SDK1: variants seen among roughly 807,000 people sequenced by gnomAD.
The protein encoded by SDK1 is protein sidekick-1.
Under a neutral mutation model 245.5 loss-of-function variants are expected in SDK1, and 157 were observed. That is an observed-to-expected ratio of 0.64 (90% CI 0.56 to 0.73). SDK1 has a LOEUF of 0.73. Ranked by LOEUF, SDK1 falls within the 30% of genes least tolerant of loss-of-function variation. SDK1 has a pLI of 0.00. For missense variants in SDK1, 3,583 were observed against 3,002.3 expected (o/e 1.19, Z -4.52); for synonymous variants, 1,647 against 1,278.5 (o/e 1.29, Z -6.15).
intron 4 of SDK1, among the ~76,000 whole-genome samples, chr7:3,783,468 C>A (rs1377634174): frequency 1.4e-5 from 2 of 147,522 alleles, no homozygotes; most frequent in Non-Finnish European, 2.9e-5. Flanking sequence ...ATGCTACAGA[C>A]CCCACCAAAA....
intron 5 of SDK1, among the ~76,000 whole-genome samples, chr7:3,903,095 C>A (rs1479892392): frequency 1.3e-5 from 2 of 151,856 alleles, no homozygotes; most frequent in Non-Finnish European, 2.9e-5. Flanking sequence ...TCTTTACTCT[C>A]ACTAGGATGA....
intron 44 of SDK1, among the ~76,000 whole-genome samples, chr7:4,248,790 C>G (rs775090175): frequency 1.3e-5 from 2 of 151,972 alleles, no homozygotes; most frequent in African/African-American, 4.8e-5. Flanking sequence ...CATACATATA[C>G]CTACATACCT....
intron 5 of SDK1, among the ~76,000 whole-genome samples, chr7:3,832,581 G>C (rs1383991643): frequency 1.3e-5 from 2 of 152,170 alleles, no homozygotes; most frequent in Non-Finnish European, 2.9e-5. Context: ...CAATGCTGAA[G>C]ACCATTAGCA....
chr7:4,231,138 C>T (rs541064339), intron 40 of SDK1, among the ~76,000 whole-genome samples: 2 of 152,282 alleles, frequency 1.3e-5, no homozygotes, highest in South Asian at 2.1e-4. Flanking sequence ...GCATAAACTA[C>T]ATACAGCCAG....
At chr7:3,981,882 A>G (rs983842597) in intron 13 of SDK1, among the ~76,000 whole-genome samples, 2 of 152,264 alleles carry the variant, frequency 1.3e-5, no homozygotes, top group Non-Finnish European at 2.9e-5. Flanking sequence ...GAAACTTGGT[A>G]AGTTATTCAG....
At chr7:3,581,861 C>T (rs1410132530) in intron 1 of SDK1, among the ~76,000 whole-genome samples, 1 of 152,206 alleles carries the variant, frequency 6.6e-6, no homozygotes, top group Admixed American at 6.5e-5. Context: ...ATGGGTGAAG[C>T]TGGAGGCCAT....
chr7:3,857,087 G>GA lies in SDK1; in HGVS notation c.847+35511dup, dbSNP rs924875449. On this transcript the variant is annotated intron_variant, in intron 5 of 44. Coordinates refer to ENST00000404826, the MANE Select transcript of SDK1 (RefSeq NM_152744.4). ...ATGAAAAAATCAACTCCTATTAACT[G>GA]AAAAAAATTACTCTTAGTCACCTGG... Among the ~76,000 whole-genome samples the GA allele has an allele frequency of 2.6e-5, 4 of 152,138 alleles. No homozygotes were observed. The East Asian group carries it at 7.7e-4, about 29-fold the overall frequency.
rs371063142 is a variant in SDK1 at position 4,010,936 on chromosome 7, G to T, written c.2132-30G>T. The stretch of plus-strand genomic sequence containing the variant: ...ATTATTCAGACATGATAAGCCTGTG[G>T]GCTTGAATTCGTTTTCTTCATTCTT... On this transcript the variant is annotated intron_variant, in intron 14 of 44. Transcript: ENST00000404826. 5.3e-4 allele frequency: 851 copies of T among 1,612,966 alleles called. 3 individuals are homozygous for T. In the Middle Eastern group the frequency reaches 0.012, roughly 22 times the overall value.
intron 1 of SDK1, among the ~76,000 whole-genome samples, chr7:3,428,655 A>G (rs6462071): frequency 0.79 from 119,948 of 152,158 alleles, 48,057 homozygotes; most frequent in African/African-American, 0.94. Flanking sequence ...AGCTTGGGCT[A>G]ACCATGTAAG....
At chr7:3,873,740 T>C (rs1300147930) in intron 5 of SDK1, among the ~76,000 whole-genome samples, 1 of 152,192 alleles carries the variant, frequency 6.6e-6, no homozygotes, top group Admixed American at 6.5e-5. Context: ...TCAAAAGCAT[T>C]TTTAATCTAA....
At chr7:3,889,716 G>A (rs924224993) in intron 5 of SDK1, among the ~76,000 whole-genome samples, 5 of 152,160 alleles carry the variant, frequency 3.3e-5, no homozygotes, top group African/African-American at 1.2e-4. Context: ...CATCGTGTTA[G>A]CCAGGATGGT....
At chr7:3,459,174 T>C (rs536917361) in intron 1 of SDK1, among the ~76,000 whole-genome samples, 2 of 152,352 alleles carry the variant, frequency 1.3e-5, no homozygotes, top group East Asian at 3.9e-4. Flanking sequence ...TTGCATTTTA[T>C]CTGAAATTGC....
intron 32 of SDK1, among the ~76,000 whole-genome samples, chr7:4,172,618 G>A (rs1020058625): frequency 6.6e-6 from 1 of 152,144 alleles, no homozygotes; most frequent in African/African-American, 2.4e-5. Context: ...AAGTTACTAC[G>A]CATTAGGTGG....
At chr7:3,771,851 A>G (rs1309307872) in intron 4 of SDK1, among the ~76,000 whole-genome samples, 1 of 152,096 alleles carries the variant, frequency 6.6e-6, no homozygotes, top group African/African-American at 2.4e-5. Flanking sequence ...CCCCCCATCC[A>G]TCTCCAGAAC....
intron 9 of SDK1, among the ~76,000 whole-genome samples, chr7:3,966,572 A>G (rs185447361): frequency 2.0e-5 from 3 of 152,248 alleles, no homozygotes; most frequent in African/African-American, 7.2e-5. Context: ...CCAGAAATGT[A>G]TCTTTATGGA....
chr7:3,410,995 CAAGG>C (rs1470477796), intron 1 of SDK1, among the ~76,000 whole-genome samples: 1 of 152,076 alleles, frequency 6.6e-6, no homozygotes, highest in African/African-American at 2.4e-5. Flanking sequence ...ACCTAACACA[CAAGG>C]AAGCTGTTTT....
intron 14 of SDK1, among the ~76,000 whole-genome samples, chr7:3,999,399 G>A (rs531349776): frequency 2.8e-4 from 42 of 152,292 alleles, no homozygotes; most frequent in African/African-American, 8.7e-4. Flanking sequence ...AAGAATATAC[G>A]AGGGGGCGTC....
intron 1 of SDK1, among the ~76,000 whole-genome samples, chr7:3,404,688 G>T (rs1404659424): frequency 6.6e-6 from 1 of 152,170 alleles, no homozygotes; most frequent in African/African-American, 2.4e-5. Flanking sequence ...AATTACTTCA[G>T]AGCTTGAACA....
chr7:3,911,468 G>A (rs1165187186), intron 5 of SDK1, among the ~76,000 whole-genome samples: 1 of 152,152 alleles, frequency 6.6e-6, no homozygotes, highest in Non-Finnish European at 1.5e-5. Context: ...GGTTTGCTGT[G>A]TCCTCACATG....
Sources: allele counts gnomAD v4.1 joint callset (sites outside exome capture counted in the v4.1 genomes callset), GRCh38; gene constraint gnomAD v4.1.1; transcripts MANE v1.5; gene names NCBI Gene and HGNC (gene_info 2026-07-23, HGNC 2026-07-21).